Variants in STARD7 observed in about 807,000 individuals in gnomAD.
STARD7 encodes stAR-related lipid transfer protein 7, mitochondrial.
STARD7 carries 30 observed loss-of-function variants against 45.3 expected under a neutral mutation model. That is an observed-to-expected ratio of 0.66 (90% CI 0.50 to 0.90). The LOEUF (loss-of-function observed/expected upper bound fraction) is 0.90. STARD7 is among the 40% of genes least tolerant of loss of function. The pLI, the probability that STARD7 is intolerant of heterozygous loss-of-function variation, is 0.00. For synonymous variants in STARD7, 199 were observed against 183.0 expected, an observed-to-expected ratio of 1.09 and a Z score of -0.70; for missense variants, 495 against 491.3, an observed-to-expected ratio of 1.01 and a Z score of -0.07.
intron 1 of STARD7, among the ~76,000 whole-genome samples, chr2:96,197,047 C>G (rs1024327623): frequency 3.4e-5 from 4 of 116,350 alleles, no homozygotes; most frequent in African/African-American, 1.1e-4. Flanking sequence ...GCCTGGGCAA[C>G]AAGAGCGAAA....
intron 2 of STARD7, 148 bp downstream of exon 2, chr2:96,195,193 T>C (rs370480232): frequency 9.6e-6 from 8 of 835,080 alleles, no homozygotes; most frequent in Non-Finnish European, 1.3e-5. Flanking sequence ...ACTGAGACAT[T>C]TGTCATCTGG....
At position 96,208,818 on chromosome 2, in the gene STARD7, C is replaced by T. The variant is rs1683458107; in HGVS notation, c.-384G>A. The T allele has an allele frequency of 5.0e-6, 2 of 402,070 alleles. No individual in the cohort carries two copies. Among genetic ancestry groups the T allele is most frequent in the East Asian group, 3.6e-5 (1 of 28,054 alleles). 24.9% of individuals were successfully genotyped at this position (402,070 alleles called of 1,614,324 possible). On this transcript the variant is annotated 5_prime_UTR_variant, in exon 1 of 8. Coordinates refer to ENST00000337288, the MANE Select transcript of STARD7 (RefSeq NM_020151.4). ...AGCACGCAAGCTCCCGCGCCTTCCG[C>T]GACTGCCACACGCGCGGCGCGCGCG...
rs148639561 is a variant in STARD7 at position 96,208,624 on chromosome 2, C to G, written c.-190G>C. Reference sequence around the variant, plus strand: ...GAAGAGTCTCCTCTGAGGGGAGAGTCGGTCATGGCAGCAGACGCCGGGATG... The same window carrying G: ...GAAGAGTCTCCTCTGAGGGGAGAGTGGGTCATGGCAGCAGACGCCGGGATG... On this transcript the variant is annotated 5_prime_UTR_variant, in exon 1 of 8. Transcript: ENST00000337288. 17 of 487,132 alleles carry G rather than the reference C, an allele frequency of 3.5e-5. No homozygotes were observed. The highest frequency in any genetic ancestry group is 4.4e-5 in the Admixed American group (1 of 22,956). 30.2% of individuals were successfully genotyped at this position (487,132 alleles called of 1,614,324 possible).
At chr2:96,193,543 T>C (rs146598708) in intron 3 of STARD7, among the ~76,000 whole-genome samples, 191 bp from the exon 4 acceptor site, 3 of 152,336 alleles carry the variant, frequency 2.0e-5, no homozygotes, top group East Asian at 1.9e-4. Flanking sequence ...AATCACCTTA[T>C]ACAGGCTAAT....
intron 1 of STARD7, among the ~76,000 whole-genome samples, chr2:96,203,034 T>C (rs1288714724): frequency 6.6e-6 from 1 of 152,228 alleles, no homozygotes; most frequent in African/African-American, 2.4e-5. Context: ...GTATGAATGA[T>C]AGAGCAAGAC....
At position 96,208,269 on chromosome 2, in the gene STARD7, C is replaced by G; in HGVS notation, c.166G>C (p.Val56Leu). The G allele has an allele frequency of 6.2e-7, 1 of 1,611,688 alleles. No individual in the cohort carries two copies. Residue 56 changes from valine (V) to leucine (L), a missense_variant, in exon 1 of 8, where the codon GTT (valine) becomes CTT (leucine). By Grantham distance (32) the Val-to-Leu change is conservative. Coordinates refer to ENST00000337288, the MANE Select transcript of STARD7 (RefSeq NM_020151.4). ...CGGCGCCAGAGGCGGCCGAGGAGAACGCGGCGTGAGCTCTCGGAGTAGAGG... is the reference window on the plus strand; with the variant it reads ...CGGCGCCAGAGGCGGCCGAGGAGAAGGCGGCGTGAGCTCTCGGAGTAGAGG... ...GRLYSESSRRVLLGRLWRRLH... is the reference protein window; with the variant it reads ...GRLYSESSRRLLLGRLWRRLH...
In STARD7 at chr2:96,195,440, A is replaced by AGTC; in HGVS notation, c.399_400insGAC (p.Asp133dup). On this transcript the variant is annotated inframe_insertion, in exon 2 of 8. Transcript: ENST00000337288. Reference sequence around the variant, plus strand: ...TCCCAACGTTGCTCTTTGCCCTCTGAATCTTCATTCCCTTCTGTTTGGGCT... The same window carrying AGTC: ...TCCCAACGTTGCTCTTTGCCCTCTGAGTCATCTTCATTCCCTTCTGTTTGGGCT... 13 of 1,613,410 alleles carry AGTC rather than the reference A, an allele frequency of 8.1e-6. No homozygotes were observed. Among genetic ancestry groups the AGTC allele is most frequent in the Non-Finnish European group, 1.1e-5 (13 of 1,179,674 alleles).
intron 1 of STARD7, among the ~76,000 whole-genome samples, chr2:96,198,149 C>G (rs1473878855): frequency 6.6e-6 from 1 of 151,904 alleles, no homozygotes; most frequent in East Asian, 1.9e-4. Flanking sequence ...ATGGCAAAAC[C>G]CCATTTCTAC....
At chr2:96,194,177 T>TA (rs923403046) in intron 3 of STARD7, among the ~76,000 whole-genome samples, 4 of 151,956 alleles carry the variant, frequency 2.6e-5, no homozygotes, top group African/African-American at 9.7e-5. Context: ...CTAGGAGACA[T>TA]AGGGAGACCC....
chr2:96,190,993 A>C (rs1683117998), intron 6 of STARD7, among the ~76,000 whole-genome samples: 1 of 152,042 alleles, frequency 6.6e-6, no homozygotes, highest in African/African-American at 2.4e-5. Flanking sequence ...GTGAGACCCC[A>C]TCTCTACAAA....
chr2:96,208,051 CCGGGTAAACA>C, intron 1 of STARD7, 84 bp downstream of exon 1: 1 of 1,245,644 alleles, frequency 8.0e-7, no homozygotes, highest in Non-Finnish European at 1.1e-6. Flanking sequence ...TAAAAGACCA[CCGGGTAAACA>C]AGGGCCAACG....
At chr2:96,199,483 T>C (rs1262913723) in intron 1 of STARD7, among the ~76,000 whole-genome samples, 1 of 152,254 alleles carries the variant, frequency 6.6e-6, no homozygotes, top group Non-Finnish European at 1.5e-5. Flanking sequence ...TTAGTGTACA[T>C]AAACATGACT....
At chr2:96,194,794 A>T (rs549200996) in intron 3 of STARD7, among the ~76,000 whole-genome samples, 164 bp downstream of exon 3, 145 of 152,346 alleles carry the variant, frequency 9.5e-4, no homozygotes, top group Non-Finnish European at 1.4e-3. Context: ...ACAGATAAAG[A>T]AATTCTAAGT....
In STARD7 at chr2:96,192,486, A is replaced by G. The variant is rs1312608126; in HGVS notation, c.744-18T>C. The G allele has an allele frequency of 6.3e-7, 1 of 1,585,816 alleles. No individual in the cohort carries two copies. Reference sequence around the variant, plus strand: ...CCACAGCACTGGTAAGGAGGAAAGGAGAAGCAAACTCTTAGTAATGTCTAT... The same window carrying G: ...CCACAGCACTGGTAAGGAGGAAAGGGGAAGCAAACTCTTAGTAATGTCTAT... On this transcript the variant is annotated intron_variant, in intron 5 of 7. Transcript: ENST00000337288.
rs1172431228 is a variant in STARD7, at chr2:96,208,779, A to T, written c.-345T>A. 2 of 406,444 alleles carry T rather than the reference A, an allele frequency of 4.9e-6. No individual in the cohort carries two copies. The highest frequency in any genetic ancestry group is 3.6e-5 in the East Asian group (1 of 28,076). 25.2% of individuals were successfully genotyped at this position (406,444 alleles called of 1,614,324 possible). On this transcript the variant is annotated 5_prime_UTR_variant, in exon 1 of 8. Transcript: ENST00000337288. ...GCGCGCGGACAGAAACGAGACAGACAGCTCAGGCCCAGCAGCACGCAAGCT... is the reference window on the plus strand; with the variant it reads ...GCGCGCGGACAGAAACGAGACAGACTGCTCAGGCCCAGCAGCACGCAAGCT...
In STARD7 at chr2:96,187,232, A is replaced by G. The variant is rs767009305; in HGVS notation, c.913T>C (p.Trp305Arg). The G allele has an allele frequency of 1.2e-5, 20 of 1,613,538 alleles. No homozygotes were observed. The highest frequency in any genetic ancestry group is 1.7e-5 in the Non-Finnish European group (20 of 1,179,464). The part of the protein sequence containing the change: ...QTVFPRYCVS[W>R]MVSSGMPDFL... Reference sequence around the variant, plus strand: ...CCTTACTTACCACTGGAAACCATCCAACTAACACAGTAGCGAGGAAACACC... The same window carrying G: ...CCTTACTTACCACTGGAAACCATCCGACTAACACAGTAGCGAGGAAACACC... The change falls in exon 7 of 8, where the codon TGG (tryptophan) becomes CGG (arginine). Residue 305 changes from tryptophan (W) to arginine (R), a missense_variant. Transcript: ENST00000337288.
chr2:96,188,505 C>A (rs1400951680), intron 6 of STARD7, among the ~76,000 whole-genome samples: 1 of 151,190 alleles, frequency 6.6e-6, no homozygotes, highest in East Asian at 2.1e-4. Context: ...GAACTCCCGA[C>A]CTCAAGTGAT....
intron 3 of STARD7, 110 bp downstream of exon 3, chr2:96,194,848 T>G: frequency 1.2e-6 from 1 of 838,342 alleles, no homozygotes; most frequent in Non-Finnish European, 1.9e-6. Flanking sequence ...GACAGGTAGA[T>G]AGATGGATGT....
chr2:96,192,395 T>C lies in STARD7; in HGVS notation c.817A>G (p.Ile273Val). The change falls in exon 6 of 8, where the codon ATC becomes GTC. Residue 273 changes from isoleucine (I) to valine (V), a missense_variant. Physicochemically the swap from Ile to Val is conservative, Grantham distance 29 (BLOSUM62 3). Around this residue, in one of 2 missense-constraint regions of STARD7, gnomAD observed 213 missense variants for 271.2 expected, o/e 0.79. Coordinates refer to ENST00000337288, the MANE Select transcript of STARD7 (RefSeq NM_020151.4). ...TCATCAAATGACTTGTGGGGACGGA[T>C]AACCATTTGGGATTCATATGATCTG... ...RVRSYESQMV[I>V]RPHKSFDENG... 1 of 1,613,768 alleles carries C rather than the reference T, an allele frequency of 6.2e-7. No individual in the cohort carries two copies. The highest frequency in any genetic ancestry group is 2.2e-5 in the East Asian group (1 of 44,878).
Sources: gnomAD v4.1 joint callset for allele counts (sites outside exome capture counted in the v4.1 genomes callset) on GRCh38, gnomAD v4.1.1 for gene constraint, gnomAD v4.1.1 regional missense constraint, MANE v1.5 for transcripts, NCBI Gene and HGNC (gene_info 2026-07-23, HGNC 2026-07-21) for gene names.